The following DZIP3 variants were observed in gnomAD, a reference collection of about 807,000 sequenced individuals.
DZIP3 encodes the protein DAZ interacting zinc finger protein 3, also known as E3 ubiquitin-protein ligase DZIP3.
DZIP3 carries 118 observed loss-of-function variants against 162.0 expected under a neutral mutation model. The ratio of observed to expected loss-of-function variants is 0.73; its 90% CI spans 0.63 to 0.85. The LOEUF is 0.85. Ranked by LOEUF, DZIP3 falls within the 40% of genes least tolerant of loss-of-function variation. The probability of loss-of-function intolerance (pLI) is 0.00; values close to 1 mark genes in which losing one functional copy is unlikely to be tolerated. For missense variants in DZIP3, 1,331 were observed against 1,407.0 expected (o/e 0.95, Z 0.86); for synonymous variants, 438 against 458.6 (o/e 0.96, Z 0.57).
At chr3:108,686,648 G>T in intron 28 of DZIP3, 64 bp downstream of exon 28, 2 of 1,383,358 alleles carry the variant, frequency 1.4e-6, no homozygotes, top group Non-Finnish European at 1.9e-6. Context: ...AGCCATAATT[G>T]TGGCAATGAA....
At chr3:108,631,055 A>ACACACACACACACACACACACTCTCT in intron 8 of DZIP3, among the ~76,000 whole-genome samples, 7 of 18,014 alleles carry the variant, frequency 3.9e-4, no homozygotes, top group African/African-American at 8.4e-4. Flanking sequence ...ACACACACAC[A>ACACACACACACACACACACACTCTCT]CTCTCTCTCT....
rs142118122 is a variant in DZIP3 at position 108,630,542 on chromosome 3, G to A, written c.696+1366G>A. ...AATATACTTCTTTCAGTAATCAATA[G>A]AACATGCAGACAGCTTTTGGCATTG... On this transcript the variant is annotated intron_variant, in intron 8 of 32. Coordinates refer to ENST00000361582, the MANE Select transcript of DZIP3 (RefSeq NM_014648.4). 7.9e-4 allele frequency among the ~76,000 whole-genome samples: 120 copies of A among 152,084 alleles called. 1 individual carries two copies. The highest frequency in any genetic ancestry group is 2.8e-3 in the African/African-American group (115 of 41,524).
In DZIP3 at chr3:108,662,111, A is replaced by C; in HGVS notation, c.2296-19A>C. On this transcript the variant is annotated intron_variant, in intron 20 of 32. Transcript: ENST00000361582. ...TGACTTGAACATAATTATCTGAAATAATATTTTTTATTGATCAGGATTTCA... is the reference window on the plus strand; with the variant it reads ...TGACTTGAACATAATTATCTGAAATCATATTTTTTATTGATCAGGATTTCA... 1 of 1,579,308 alleles carries C rather than the reference A, an allele frequency of 6.3e-7. No homozygotes were observed. The highest frequency in any genetic ancestry group is 8.6e-7 in the Non-Finnish European group (1 of 1,168,446).
chr3:108,630,513 T>C (rs1187015644), intron 8 of DZIP3, among the ~76,000 whole-genome samples: 1 of 152,122 alleles, frequency 6.6e-6, no homozygotes, highest in Non-Finnish European at 1.5e-5. Flanking sequence ...CAATAGAATA[T>C]TTTAATATAC....
intron 17 of DZIP3, among the ~76,000 whole-genome samples, chr3:108,650,375 G>A (rs1280518269): frequency 1.3e-5 from 2 of 151,680 alleles, no homozygotes; most frequent in African/African-American, 4.8e-5. Flanking sequence ...CATAAGGACA[G>A]ACACTGAAAC....
chr3:108,614,221 G>A (rs755771532), intron 4 of DZIP3, among the ~76,000 whole-genome samples: 29 of 152,098 alleles, frequency 1.9e-4, no homozygotes, highest in Non-Finnish European at 3.8e-4. Context: ...TGACAAATGC[G>A]TAATAAGTAT....
Position 108,647,817 on chromosome 3 carries a change from G to A in DZIP3, c.1793-126G>A, listed in dbSNP as rs143324187. ...AACATCACATTTTCATCGAGTAATTGAAAAGAGTAAGATATATTTTATTTC... is the reference window on the plus strand; with the variant it reads ...AACATCACATTTTCATCGAGTAATTAAAAAGAGTAAGATATATTTTATTTC... On this transcript the variant is annotated intron_variant, in intron 15 of 32. Coordinates refer to ENST00000361582, the MANE Select transcript of DZIP3 (RefSeq NM_014648.4). 435 of 726,786 alleles carry A rather than the reference G, an allele frequency of 6.0e-4. 1 individual carries two copies. The African/African-American group carries it at 6.4e-3, about 11-fold the overall frequency. The allele number at this position is 726,786 out of a possible 1,614,324, so 45.0% of individuals were successfully genotyped here. A position where few individuals can be genotyped will look rare whatever the true frequency, so the allele number is the denominator to read the frequency against.
chr3:108,653,470 A>C (rs1439183689), intron 18 of DZIP3, among the ~76,000 whole-genome samples: 2 of 146,780 alleles, frequency 1.4e-5, no homozygotes, highest in East Asian at 2.0e-4. Flanking sequence ...TTTTAGAAAA[A>C]AGTGTAGAAA....
In DZIP3 at chr3:108,605,833, A is replaced by G. The variant is rs1452001840; in HGVS notation, c.32+395A>G. Among the ~76,000 whole-genome samples, 3 of 152,308 alleles carry G rather than the reference A, an allele frequency of 2.0e-5. No individual in the cohort carries two copies. In the East Asian group the frequency reaches 5.8e-4, roughly 29 times the overall value. On this transcript the variant is annotated intron_variant, in intron 2 of 32. Coordinates refer to ENST00000361582, the MANE Select transcript of DZIP3 (RefSeq NM_014648.4). ...AACCAGCTGCATTTGTTGTATTCCTAAAGACATAATGTTTGTTTTTTCCAC... is the reference window on the plus strand; with the variant it reads ...AACCAGCTGCATTTGTTGTATTCCTGAAGACATAATGTTTGTTTTTTCCAC...
intron 19 of DZIP3, 48 bp from the exon 20 acceptor site, chr3:108,661,829 A>AT (rs760694496): frequency 2.8e-4 from 408 of 1,473,452 alleles, no homozygotes; most frequent in Middle Eastern, 3.6e-4. Context: ...AATAACTAAA[A>AT]TTTTTTTTTG....
chr3:108,686,373 A>G lies in DZIP3; in HGVS notation c.3010-72A>G. 1.4e-6 allele frequency: 2 copies of G among 1,392,644 alleles called. 1 individual carries two copies. Among genetic ancestry groups the G allele is most frequent in the South Asian group, 3.8e-5 (2 of 52,658 alleles). The allele number at this position is 1,392,644 out of a possible 1,614,324, so 86.3% of individuals were successfully genotyped here. ...GCCAGTACGCTTCTTCATTGTACCC[A>G]TTTTCTGAGGTATAGGAATGTCACT... On this transcript the variant is annotated intron_variant, in intron 27 of 32. Transcript: ENST00000361582.
rs112863011 is a variant in DZIP3, at chr3:108,677,218, T to C, written c.2782-279T>C. Among the ~76,000 whole-genome samples, 716 of 152,162 alleles carry C rather than the reference T, an allele frequency of 4.7e-3. 2 individuals carry two copies. The highest frequency in any genetic ancestry group is 0.016 in the African/African-American group (653 of 41,548). On this transcript the variant is annotated intron_variant, in intron 25 of 32. Transcript: ENST00000361582. ...GTGGTTCCTATTTTAGAGCTGAAAA[T>C]TTTGGAAGCACTGAGGAATTATCAC...
chr3:108,592,921 T>C (rs978585025), intron 1 of DZIP3, among the ~76,000 whole-genome samples: 2 of 152,186 alleles, frequency 1.3e-5, no homozygotes, highest in African/African-American at 4.8e-5. Context: ...ATTGCATTAG[T>C]GTAAGCTCCA....
intron 9 of DZIP3, 25 bp from the exon 10 acceptor site, chr3:108,634,846 A>G: frequency 6.7e-7 from 1 of 1,499,652 alleles, no homozygotes; most frequent in East Asian, 2.3e-5. Context: ...GTCCTTATTG[A>G]TAACTTACTT....
intron 25 of DZIP3, 90 bp downstream of exon 25, chr3:108,675,963 G>A: frequency 1.8e-6 from 2 of 1,135,286 alleles, no homozygotes; most frequent in Admixed American, 2.8e-5. Context: ...ATTTAAGGAA[G>A]AACATATTTT....
intron 4 of DZIP3, among the ~76,000 whole-genome samples, chr3:108,615,893 C>G (rs1940976104): frequency 6.6e-6 from 1 of 152,188 alleles, no homozygotes; most frequent in Non-Finnish European, 1.5e-5. Flanking sequence ...TGAGAGTGAA[C>G]TGGGATTACC....
chr3:108,609,648 C>G (rs1940586912), intron 3 of DZIP3, among the ~76,000 whole-genome samples: 1 of 152,134 alleles, frequency 6.6e-6, no homozygotes, highest in Non-Finnish European at 1.5e-5. Context: ...TGAGACCAGC[C>G]TTTACAATAT....
chr3:108,633,207 G>A (rs1941968159), intron 9 of DZIP3, 135 bp downstream of exon 9: 1 of 324,572 alleles, frequency 3.1e-6, no homozygotes, highest in South Asian at 1.3e-4. Context: ...TGGTAAAGCA[G>A]TTGAAAAGTT....
intron 26 of DZIP3, among the ~76,000 whole-genome samples, chr3:108,681,314 C>G (rs1309946807): frequency 1.3e-5 from 2 of 151,892 alleles, no homozygotes; most frequent in African/African-American, 2.4e-5. Context: ...ATGTGGCCAA[C>G]AAACATATGA....
Sources: allele counts gnomAD v4.1 joint callset (sites outside exome capture counted in the v4.1 genomes callset), GRCh38; gene constraint gnomAD v4.1.1; transcripts MANE v1.5; gene names NCBI Gene and HGNC (gene_info 2026-07-23, HGNC 2026-07-21).